Variants in FOXO1 observed in about 807,000 individuals in gnomAD.
FOXO1 encodes the protein forkhead box protein O1.
Under a neutral mutation model 44.1 loss-of-function variants are expected in FOXO1, and 6 were observed. The observed-to-expected ratio is 0.14, with a 90% CI of 0.07 to 0.27. The LOEUF is 0.27. Ranked by LOEUF, FOXO1 falls within the 10% of genes least tolerant of loss-of-function variation. FOXO1 has a pLI of 1.00. For missense variants in FOXO1, 737 were observed against 888.8 expected (o/e 0.83, Z 2.17); for synonymous variants, 380 against 362.7 (o/e 1.05, Z -0.54).
intron 1 of FOXO1, chr13:40,620,630 G>T: frequency 2.5e-6 from 1 of 403,140 alleles, no homozygotes; most frequent in Non-Finnish European, 4.7e-6. Flanking sequence ...GTTACTGACA[G>T]CAGCCAGCAC....
chr13:40,591,276 A>G (rs948909349), intron 1 of FOXO1, among the ~76,000 whole-genome samples: 1 of 152,254 alleles, frequency 6.6e-6, no homozygotes, highest in African/African-American at 2.4e-5. Context: ...CTAGGAGGGC[A>G]GCAGTGTTGA....
chr13:40,612,209 T>C (rs572167351), intron 1 of FOXO1, among the ~76,000 whole-genome samples: 4 of 152,154 alleles, frequency 2.6e-5, no homozygotes, highest in Admixed American at 2.6e-4. Flanking sequence ...GACTCAAGGG[T>C]TACAGTTATC....
At chr13:40,564,282 T>A (rs1381924765) in intron 1 of FOXO1, among the ~76,000 whole-genome samples, 6 of 145,600 alleles carry the variant, frequency 4.1e-5, no homozygotes, top group African/African-American at 5.0e-5. Flanking sequence ...ATTTAGACTT[T>A]AAAAAAAAAA....
chr13:40,666,099 G>A lies in FOXO1; in HGVS notation c.114C>T (p.Ala38=). Residue 38 remains alanine, a synonymous_variant, in exon 1 of 3, where the codon GCC becomes GCT. Coordinates refer to ENST00000379561, the MANE Select transcript of FOXO1 (RefSeq NM_002015.4). The stretch of plus-strand genomic sequence containing the variant: ...TGCCCGACGGCGCCGGGCTGGAGGT[G>A]GCCGAGTTGGACTGGCTAAACTCCG... ...PRPEFSQSNS[A]TSSPAPSGSA... is the part of the protein sequence containing the mutation. The A allele has an allele frequency of 7.2e-7, 1 of 1,396,350 alleles. No homozygotes were observed. The highest frequency in any genetic ancestry group is 9.3e-7 in the Non-Finnish European group (1 of 1,074,906). 86.5% of individuals were successfully genotyped at this position (1,396,350 alleles called of 1,614,324 possible). A position where few individuals can be genotyped will look rare whatever the true frequency, so the allele number is the denominator to read the frequency against.
intron 1 of FOXO1, among the ~76,000 whole-genome samples, chr13:40,587,745 TGGAAAGCCAAATGAAAC>T (rs1875223597): frequency 6.6e-6 from 1 of 152,224 alleles, no homozygotes. Flanking sequence ...CCGAATGGTC[TGGAAAGCCAAATGAAAC>T]GGAAGTCTTC....
rs368042937 is a variant in FOXO1 at position 40,559,841 on chromosome 13, C to T, written c.1650G>A (p.Ser550=). The change falls in exon 2 of 3, where the codon TCG becomes TCA. Residue 550 remains serine (S), a synonymous_variant. Transcript: ENST00000379561. ...TCACTTGGGTCAGGCGGTTCATACC[C>T]GAGGTGTGGGGCATGGTGCTTACCG... ...PHTVSTMPHT[S]GMNRLTQVKT... 1.2e-4 allele frequency: 189 copies of T among 1,613,872 alleles called. No homozygotes were observed. Among genetic ancestry groups the T allele is most frequent in the Non-Finnish European group, 1.4e-4 (165 of 1,179,962 alleles).
rs9577068 is a variant in FOXO1, at chr13:40,566,671, G to A, written c.631-5811C>T. Among the ~76,000 whole-genome samples, 165 of 152,180 alleles carry A rather than the reference G, an allele frequency of 1.1e-3. 4 individuals are homozygous for A. In the East Asian group the frequency reaches 0.019, roughly 18 times the overall value. On this transcript the variant is annotated intron_variant, in intron 1 of 2. Transcript: ENST00000379561. ...TGGGATTACAGGCGTGAGCCACTGC[G>A]CCTGGCCTACTTTAAATTTTTTATC... is the stretch of plus-strand genomic sequence containing the variant.
chr13:40,654,762 G>A (rs947396838), intron 1 of FOXO1, among the ~76,000 whole-genome samples: 1 of 151,896 alleles, frequency 6.6e-6, no homozygotes, highest in Non-Finnish European at 1.5e-5. Flanking sequence ...AAGGGGCCAC[G>A]ACACTTTAGA....
At chr13:40,571,697 A>G (rs566971446) in intron 1 of FOXO1, among the ~76,000 whole-genome samples, 1 of 152,208 alleles carries the variant, frequency 6.6e-6, no homozygotes, top group Admixed American at 6.5e-5. Flanking sequence ...CCACAGGAGA[A>G]TATTAAGAGG....
intron 1 of FOXO1, among the ~76,000 whole-genome samples, chr13:40,599,102 A>G (rs1442871182): frequency 6.6e-6 from 1 of 150,622 alleles, no homozygotes; most frequent in Non-Finnish European, 1.5e-5. Flanking sequence ...CATTATTTCT[A>G]TTGATCAAAA....
chr13:40,648,277 A>C (rs2137930314), intron 1 of FOXO1, among the ~76,000 whole-genome samples: 1 of 152,258 alleles, frequency 6.6e-6, no homozygotes, highest in East Asian at 1.9e-4. Context: ...AGGTCAAAAT[A>C]CACACCGGCT....
At chr13:40,587,075 C>T (rs531325942) in intron 1 of FOXO1, among the ~76,000 whole-genome samples, 21 of 152,202 alleles carry the variant, frequency 1.4e-4, no homozygotes, top group South Asian at 8.3e-4. Flanking sequence ...TGGCAACCAG[C>T]AGCACAGATG....
intron 1 of FOXO1, among the ~76,000 whole-genome samples, chr13:40,654,806 T>C (rs1297222061): frequency 6.6e-6 from 1 of 152,082 alleles, no homozygotes; most frequent in Non-Finnish European, 1.5e-5. Flanking sequence ...CAGAGGTCTC[T>C]AAGAATTAAA....
chr13:40,563,088 GC>G (rs1397233949), intron 1 of FOXO1, among the ~76,000 whole-genome samples: 1 of 152,208 alleles, frequency 6.6e-6, no homozygotes, highest in Non-Finnish European at 1.5e-5. Flanking sequence ...AGCTGACCAT[GC>G]CCCCTGCATC....
intron 1 of FOXO1, among the ~76,000 whole-genome samples, chr13:40,664,647 C>G (rs1878158855): frequency 6.6e-6 from 1 of 152,106 alleles, no homozygotes; most frequent in Admixed American, 6.5e-5. Context: ...AGCCCCCGGC[C>G]CCTCAGGGCA....
At chr13:40,635,883 T>C (rs1404765939) in intron 1 of FOXO1, among the ~76,000 whole-genome samples, 1 of 152,142 alleles carries the variant, frequency 6.6e-6, no homozygotes, top group Non-Finnish European at 1.5e-5. Flanking sequence ...ACCAGATGCA[T>C]GCATGTGACA....
chr13:40,628,047 A>G (rs1248767931), intron 1 of FOXO1, among the ~76,000 whole-genome samples: 3 of 152,172 alleles, frequency 2.0e-5, no homozygotes, highest in African/African-American at 4.8e-5. Flanking sequence ...ACATATACAC[A>G]TGTATACATA....
chr13:40,585,334 T>TGCGCGC (rs201623798), intron 1 of FOXO1, among the ~76,000 whole-genome samples: 18 of 134,222 alleles, frequency 1.3e-4, no homozygotes, highest in South Asian at 9.4e-4. Flanking sequence ...GTATTTCCTC[T>TGCGCGC]GCGCGCGCGC....
chr13:40,596,334 C>T (rs377406082), intron 1 of FOXO1, among the ~76,000 whole-genome samples: 61 of 152,158 alleles, frequency 4.0e-4, no homozygotes, highest in African/African-American at 1.3e-3. Context: ...TTATCAGGAA[C>T]GCCTAACATT....
Sources: gnomAD v4.1 joint callset for allele counts (sites outside exome capture counted in the v4.1 genomes callset) on GRCh38, gnomAD v4.1.1 for gene constraint, MANE v1.5 for transcripts, NCBI Gene and HGNC (gene_info 2026-07-23, HGNC 2026-07-21) for gene names.